Variants in DRC9 observed in about 807,000 individuals in gnomAD.
The protein encoded by DRC9 is dynein regulatory complex subunit 9.
the DRC9 span, among the ~76,000 whole-genome samples, chr3:197,925,806 A>G: frequency 6.6e-6 from 1 of 151,730 alleles, no homozygotes; most frequent in East Asian, 1.9e-4. Context: ...CTGGTCTCAA[A>G]TTCCTGACTT....
chr3:197,925,933 G>A, the DRC9 span: 1 of 785,308 alleles, frequency 1.3e-6, no homozygotes, highest in African/African-American at 1.7e-5. Flanking sequence ...TCTTTTACAT[G>A]TAACTCTTCT....
chr3:197,931,282 G>T, the DRC9 span, among the ~76,000 whole-genome samples: 9 of 151,974 alleles, frequency 5.9e-5, no homozygotes, highest in Non-Finnish European at 1.3e-4. Context: ...AGGAGATTGA[G>T]ACCAGCCTGG....
At chr3:197,892,669 T>TTGAGAG in the DRC9 span, 1 of 1,613,988 alleles carries the variant, frequency 6.2e-7, no homozygotes, top group Non-Finnish European at 8.5e-7. Flanking sequence ...TCACTGGCCT[T>TTGAGAG]TGTGGCTTTG....
At chr3:197,950,559 T>C in the DRC9 span, 1 of 330,368 alleles carries the variant, frequency 3.0e-6, no homozygotes, top group South Asian at 4.7e-5. Context: ...ACCAGTCTCT[T>C]TCCTCAGCTT....
the DRC9 span, among the ~76,000 whole-genome samples, chr3:197,901,065 T>G: frequency 1.3e-5 from 2 of 152,182 alleles, no homozygotes; most frequent in African/African-American, 4.8e-5. This position sits in a 1 kb window ranked among gnomAD's most constrained non-coding sequence, Gnocchi z 4.4. Context: ...AAGGGGACTC[T>G]GTCTTACACC....
chr3:197,921,118 C>T, the DRC9 span, among the ~76,000 whole-genome samples: 9 of 130,390 alleles, frequency 6.9e-5, no homozygotes, highest in African/African-American at 2.7e-4. Context: ...TCATCTTGGT[C>T]GACCCGACTA....
the DRC9 span, chr3:197,906,709 T>TA: frequency 3.9e-5 from 6 of 152,214 alleles, no homozygotes; most frequent in Non-Finnish European, 7.3e-5. Flanking sequence ...GAGGGAGACT[T>TA]ACAGTAGGTA....
At chr3:197,930,462 C>CCTAGCA in the DRC9 span, among the ~76,000 whole-genome samples, 1 of 151,924 alleles carries the variant, frequency 6.6e-6, no homozygotes, top group Non-Finnish European at 1.5e-5. Flanking sequence ...CAGGCGTGAT[C>CCTAGCA]CTAGCACTTT....
At chr3:197,917,368 A>C in the DRC9 span, among the ~76,000 whole-genome samples, 8 of 152,208 alleles carry the variant, frequency 5.3e-5, no homozygotes, top group African/African-American at 1.9e-4. Flanking sequence ...TATTTTGTCT[A>C]CTAGCTTCTT....
At chr3:197,895,741 C>T in the DRC9 span, among the ~76,000 whole-genome samples, 3 of 151,754 alleles carry the variant, frequency 2.0e-5, no homozygotes, top group Non-Finnish European at 2.9e-5. Context: ...TTTGGGAGGC[C>T]GAGCAGGTGG....
chr3:197,952,178 T>G, the DRC9 span, among the ~76,000 whole-genome samples: 1 of 140,226 alleles, frequency 7.1e-6, no homozygotes, highest in Non-Finnish European at 1.6e-5. Context: ...TTTTTTTTTT[T>G]TTTTTTTTTT....
At chr3:197,941,657 C>T in the DRC9 span, among the ~76,000 whole-genome samples, 1 of 147,160 alleles carries the variant, frequency 6.8e-6, no homozygotes, top group African/African-American at 2.5e-5. Flanking sequence ...GTCTCATGGG[C>T]TCAAATGATC....
chr3:197,917,690 C>T, the DRC9 span, among the ~76,000 whole-genome samples: 1 of 151,132 alleles, frequency 6.6e-6, no homozygotes. Context: ...TCCATTCTTT[C>T]TATACGCACT....
the DRC9 span, among the ~76,000 whole-genome samples, chr3:197,922,985 C>A: frequency 6.6e-6 from 1 of 152,122 alleles, no homozygotes; most frequent in Non-Finnish European, 1.5e-5. Context: ...ATATAAGCTA[C>A]ATGCAGAGGG....
the DRC9 span, chr3:197,951,484 C>T: frequency 2.9e-6 from 2 of 687,892 alleles, no homozygotes; most frequent in African/African-American, 3.6e-5. Flanking sequence ...TCCCGAGTAG[C>T]TGGGATTACA....
At chr3:197,910,565 C>T in the DRC9 span, among the ~76,000 whole-genome samples, 13 of 152,182 alleles carry the variant, frequency 8.5e-5, no homozygotes, top group African/African-American at 3.1e-4. Flanking sequence ...ACAAATTCTC[C>T]TCTTTAACCA....
At chr3:197,948,312 A>G in the DRC9 span, among the ~76,000 whole-genome samples, 4 of 152,174 alleles carry the variant, frequency 2.6e-5, no homozygotes, top group East Asian at 1.9e-4. Context: ...CTTAACTGAC[A>G]CTTGTCCAAG....
the DRC9 span, among the ~76,000 whole-genome samples, chr3:197,893,215 G>A: frequency 6.6e-6 from 1 of 152,074 alleles, no homozygotes; most frequent in African/African-American, 2.4e-5. Context: ...AAATTAGCTG[G>A]GCATGGTGGC....
the DRC9 span, among the ~76,000 whole-genome samples, chr3:197,937,091 G>A: frequency 6.6e-6 from 1 of 152,200 alleles, no homozygotes; most frequent in Admixed American, 6.6e-5. Flanking sequence ...AAACAAATGG[G>A]CGATGCCGTA....
Sources: gnomAD v4.1 joint callset for allele counts (sites outside exome capture counted in the v4.1 genomes callset) on GRCh38, gnomAD v4.1.1 for gene constraint, Gnocchi (gnomAD v3.1) non-coding constraint, MANE v1.5 for transcripts, NCBI Gene and HGNC (gene_info 2026-07-23, HGNC 2026-07-21) for gene names.